Variants in CD200 observed in about 807,000 individuals in gnomAD.
CD200 encodes the protein CD200 molecule.
CD200 carries 15 observed loss-of-function variants against 30.9 expected under a neutral mutation model. That is an observed-to-expected ratio of 0.49 (90% CI 0.32 to 0.75). CD200 has a LOEUF of 0.75. CD200 is among the 30% of genes least tolerant of loss of function. The probability of loss-of-function intolerance (pLI) is 0.03; values close to 1 mark genes in which losing one functional copy is unlikely to be tolerated. For missense variants in CD200, 262 were observed against 324.2 expected (o/e 0.81, Z 1.47); for synonymous variants, 134 against 126.2 (o/e 1.06, Z -0.41).
At chr3:112,350,752 CTT>C (rs1390950434) in intron 5 of CD200, among the ~76,000 whole-genome samples, 1 of 152,138 alleles carries the variant, frequency 6.6e-6, no homozygotes, top group African/African-American at 2.4e-5. Context: ...CTATTTTAGA[CTT>C]TGATTAAAAA....
At chr3:112,360,187 G>A (rs931964303) in intron 5 of CD200, among the ~76,000 whole-genome samples, 3 of 152,128 alleles carry the variant, frequency 2.0e-5, no homozygotes, top group Non-Finnish European at 4.4e-5. Context: ...AATTAGCCGG[G>A]CATAGTGGCA....
intron 2 of CD200, among the ~76,000 whole-genome samples, chr3:112,343,864 T>C (rs2081324841): frequency 6.6e-6 from 1 of 152,206 alleles, no homozygotes; most frequent in Admixed American, 6.5e-5. Flanking sequence ...TTCTTTTTTT[T>C]CTCTCCTTTT....
At position 112,339,977 on chromosome 3, in the gene CD200, T is replaced by C. The variant is rs80257314; in HGVS notation, c.13-925T>C. Among the ~76,000 whole-genome samples, 881 of 152,298 alleles carry C rather than the reference T, an allele frequency of 5.8e-3. 15 individuals carry two copies. Among genetic ancestry groups the C allele is most frequent in the African/African-American group, 0.02 (832 of 41,550 alleles). ...AGATTGGGACAATTATGGGGTATTG[T>C]GGTGGTGAGAGACCGAATTGACAGA... On this transcript the variant is annotated intron_variant, in intron 1 of 5. Coordinates refer to ENST00000315711, the MANE Select transcript of CD200 (RefSeq NM_005944.7).
chr3:112,347,859 GTTGT>G, intron 4 of CD200, 29 bp downstream of exon 4: 1 of 1,600,946 alleles, frequency 6.2e-7, no homozygotes, highest in Non-Finnish European at 8.5e-7. Flanking sequence ...GGTGGCTGTG[GTTGT>G]GTCTGTGTGC....
upstream of CD200, chr3:112,332,826 A>G (rs1256175025): frequency 4.5e-5 from 9 of 201,724 alleles, no homozygotes; most frequent in East Asian, 1.1e-3. Context: ...ATCCTTTGCC[A>G]CTACATCAAG....
At chr3:112,355,943 TA>T (rs1214153356) in intron 5 of CD200, among the ~76,000 whole-genome samples, 1 of 152,142 alleles carries the variant, frequency 6.6e-6, no homozygotes, top group Non-Finnish European at 1.5e-5. Flanking sequence ...AACCATATTG[TA>T]AAAAAATACA....
intron 1 of CD200, chr3:112,333,720 C>G: frequency 1.0e-6 from 1 of 985,460 alleles, no homozygotes; most frequent in Non-Finnish European, 1.2e-6. Context: ...TCCTGCGTCT[C>G]CTCTTTGTTA....
intron 5 of CD200, among the ~76,000 whole-genome samples, chr3:112,359,665 C>T (rs1391744919): frequency 6.6e-6 from 1 of 152,082 alleles, no homozygotes; most frequent in Non-Finnish European, 1.5e-5. Flanking sequence ...TTTTAATATG[C>T]TTGGCATTGT....
Position 112,355,383 on chromosome 3 carries a change from C to G in CD200, c.802+5564C>G, listed in dbSNP as rs115488368. On this transcript the variant is annotated intron_variant, in intron 5 of 5. Transcript: ENST00000315711. Reference sequence around the variant, plus strand: ...TTTTCTATCACTAACTATAATATTACAAAAACTTTTTTTTTCTTAGAATCT... The same window carrying G: ...TTTTCTATCACTAACTATAATATTAGAAAAACTTTTTTTTTCTTAGAATCT... Among the ~76,000 whole-genome samples the G allele has an allele frequency of 7.1e-3, 1,081 of 152,266 alleles. 16 individuals are homozygous for G. Among genetic ancestry groups the G allele is most frequent in the African/African-American group, 0.025 (1,033 of 41,546 alleles).
At chr3:112,336,946 A>G (rs4682103) in intron 1 of CD200, among the ~76,000 whole-genome samples, 88,407 of 151,908 alleles carry the variant, frequency 0.58, 26,099 homozygotes, top group East Asian at 0.83. Context: ...CTCAGTCTGA[A>G]AAAGAAGAGT....
At chr3:112,333,033 A>G, upstream of CD200, 1 of 821,772 alleles carries the variant, frequency 1.2e-6, no homozygotes, top group South Asian at 1.6e-5. Context: ...AATTCCCCCC[A>G]CACAGACAGC....
chr3:112,340,293 C>G (rs2081209260), intron 1 of CD200, among the ~76,000 whole-genome samples: 1 of 152,126 alleles, frequency 6.6e-6, no homozygotes, highest in Non-Finnish European at 1.5e-5. Flanking sequence ...CCCAGAATAA[C>G]ATTATCTTAA....
intron 4 of CD200, 119 bp from the exon 5 acceptor site, chr3:112,349,593 C>A (rs60377655): frequency 1.8e-6 from 1 of 566,818 alleles, no homozygotes; most frequent in Non-Finnish European, 2.9e-6. Flanking sequence ...TGAAGTCATA[C>A]GTATAAACCT....
chr3:112,340,894 G>A lies in CD200; in HGVS notation c.13-8G>A, dbSNP rs1244047952. 5.1e-6 allele frequency: 8 copies of A among 1,574,130 alleles called. No individual in the cohort carries two copies. The highest frequency in any genetic ancestry group is 4.4e-6 in the Non-Finnish European group (5 of 1,145,008). ...CCCCCATTTCTGTACTTTGCTTTCT[G>A]TCTTCAGGTGATCAGGATGCCCTTC... On this transcript the variant is annotated splice_polypyrimidine_tract_variant and splice_region_variant and intron_variant, in intron 1 of 5. Transcript: ENST00000315711.
chr3:112,347,251 T>C (rs764767533), intron 3 of CD200, among the ~76,000 whole-genome samples: 2 of 152,220 alleles, frequency 1.3e-5, no homozygotes, highest in Non-Finnish European at 2.9e-5. Context: ...ATTAGGACTG[T>C]TTGGGAGAGA....
chr3:112,336,864 G>T (rs7639471), intron 1 of CD200, among the ~76,000 whole-genome samples: 35,305 of 151,966 alleles, frequency 0.23, 4,514 homozygotes, highest in East Asian at 0.5. Context: ...TACCATAAAA[G>T]AATAGACAGA....
intron 1 of CD200, chr3:112,333,850 C>A (rs2081053338): frequency 1.5e-5 from 15 of 985,280 alleles, no homozygotes; most frequent in African/African-American, 1.7e-5. Context: ...GAAGGGTTAA[C>A]CCCGGGTATC....
At chr3:112,334,258 AGGCATGAATAGG>A in intron 1 of CD200, 1 of 985,412 alleles carries the variant, frequency 1.0e-6, no homozygotes, top group Non-Finnish European at 1.2e-6. Flanking sequence ...GCTGAGGAAG[AGGCATGAATAGG>A]GGCAATATAG....
At chr3:112,360,718 A>T (rs1478972571) in intron 5 of CD200, among the ~76,000 whole-genome samples, 1 of 152,166 alleles carries the variant, frequency 6.6e-6, no homozygotes, top group Non-Finnish European at 1.5e-5. Context: ...ACAGAGAGTG[A>T]GAGGTGGTGC....
Sources: gnomAD v4.1 joint callset for allele counts (sites outside exome capture counted in the v4.1 genomes callset) on GRCh38, gnomAD v4.1.1 for gene constraint, MANE v1.5 for transcripts, NCBI Gene and HGNC (gene_info 2026-07-23, HGNC 2026-07-21) for gene names.